Variants in SCHIP1 observed in about 807,000 individuals in gnomAD.
SCHIP1 encodes the protein schwannomin-interacting protein 1.
SCHIP1 carries 8 observed loss-of-function variants against 29.7 expected under a neutral mutation model. The observed-to-expected ratio is 0.27, with a 90% CI of 0.16 to 0.49. The LOEUF (loss-of-function observed/expected upper bound fraction) is 0.49. Ranked by LOEUF, SCHIP1 falls within the 20% of genes least tolerant of loss-of-function variation. The pLI is 0.99. For missense variants in SCHIP1, 193 were observed against 294.6 expected (o/e 0.66, Z 2.52); for synonymous variants, 76 against 94.9 (o/e 0.80, Z 1.16).
intron 1 of SCHIP1, chr3:159,853,317 C>T (rs1712896359): frequency 3.1e-6 from 2 of 651,772 alleles, no homozygotes; most frequent in African/African-American, 1.8e-5. Flanking sequence ...GGGCAATTGG[C>T]ACATCAGCCT....
At chr3:159,357,644 G>T in the SCHIP1 span, among the ~76,000 whole-genome samples, 1 of 152,136 alleles carries the variant, frequency 6.6e-6, no homozygotes, top group Non-Finnish European at 1.5e-5. Flanking sequence ...TGTTTTTAGA[G>T]TCACCATATT....
At chr3:159,721,649 A>G in the SCHIP1 span, 2 of 230,386 alleles carry the variant, frequency 8.7e-6, no homozygotes, top group Admixed American at 1.1e-4. Flanking sequence ...ACCTGCTTTC[A>G]AGGCTCTTCT....
the SCHIP1 span, among the ~76,000 whole-genome samples, chr3:159,367,516 T>C: frequency 2.0e-5 from 3 of 152,316 alleles, no homozygotes; most frequent in South Asian, 6.2e-4. Flanking sequence ...CCGTGACTCA[T>C]ATGTTGTAGC....
the SCHIP1 span, among the ~76,000 whole-genome samples, chr3:159,403,978 C>T: frequency 6.6e-6 from 1 of 152,154 alleles, no homozygotes. Flanking sequence ...TTCCTAAGGC[C>T]TTCATTCCAG....
the SCHIP1 span, among the ~76,000 whole-genome samples, chr3:159,755,941 T>C: frequency 6.6e-6 from 1 of 152,274 alleles, no homozygotes; most frequent in East Asian, 1.9e-4. Flanking sequence ...TGGGTTCCCA[T>C]GGTCCTGGGC....
At chr3:159,331,347 C>A in the SCHIP1 span, among the ~76,000 whole-genome samples, 1 of 152,178 alleles carries the variant, frequency 6.6e-6, no homozygotes, top group Non-Finnish European at 1.5e-5. Flanking sequence ...GTTAAATGGT[C>A]ACTCTTTCCT....
the SCHIP1 span, among the ~76,000 whole-genome samples, chr3:159,290,507 A>G: frequency 9.2e-5 from 14 of 152,204 alleles, no homozygotes; most frequent in Non-Finnish European, 1.8e-4. Context: ...AGGTAAATAT[A>G]TTCATAGAAG....
At chr3:159,626,990 C>G in the SCHIP1 span, among the ~76,000 whole-genome samples, 1 of 152,074 alleles carries the variant, frequency 6.6e-6, no homozygotes, top group Non-Finnish European at 1.5e-5. Context: ...GGTTTTAAAC[C>G]CCACGTGCAT....
At chr3:159,887,984 T>C in intron 4 of SCHIP1, 79 bp downstream of exon 5, 2 of 1,546,832 alleles carry the variant, frequency 1.3e-6, no homozygotes, top group African/African-American at 2.7e-5. Flanking sequence ...TTTCCCAGAA[T>C]TATGCAAACT....
At chr3:159,297,143 T>C in the SCHIP1 span, among the ~76,000 whole-genome samples, 1 of 144,234 alleles carries the variant, frequency 6.9e-6, no homozygotes, top group Non-Finnish European at 1.5e-5. Context: ...TGTGTGTGTG[T>C]GTGTGTGTGT....
the SCHIP1 span, among the ~76,000 whole-genome samples, chr3:159,377,436 T>A: frequency 6.6e-6 from 1 of 152,204 alleles, no homozygotes; most frequent in Non-Finnish European, 1.5e-5. Flanking sequence ...TTTGTTGTAA[T>A]CTACAGACCT....
the SCHIP1 span, among the ~76,000 whole-genome samples, chr3:159,525,547 T>A: frequency 6.6e-5 from 10 of 152,356 alleles, no homozygotes; most frequent in East Asian, 1.3e-3. Flanking sequence ...CAATTGGAAA[T>A]GCTAGTGTGT....
the SCHIP1 span, among the ~76,000 whole-genome samples, chr3:159,459,377 C>T: frequency 1.3e-5 from 2 of 152,094 alleles, no homozygotes; most frequent in East Asian, 1.9e-4. Context: ...CTTTTCCAGG[C>T]TTCTTGCTCA....
chr3:159,815,610 A>AT, the SCHIP1 span, among the ~76,000 whole-genome samples: 2 of 152,216 alleles, frequency 1.3e-5, no homozygotes, highest in Non-Finnish European at 2.9e-5. Context: ...TAAGTTTACC[A>AT]TATATACTCC....
chr3:159,564,078 G>A, the SCHIP1 span, among the ~76,000 whole-genome samples: 2 of 152,016 alleles, frequency 1.3e-5, no homozygotes, highest in African/African-American at 4.8e-5. Context: ...TAATCTCAAT[G>A]CTCAACTAAA....
At chr3:159,569,866 G>A in the SCHIP1 span, among the ~76,000 whole-genome samples, 4 of 152,280 alleles carry the variant, frequency 2.6e-5, no homozygotes, top group Admixed American at 2.6e-4. Context: ...CATTCTAACT[G>A]GCATGAGATG....
At chr3:159,894,867 A>T (rs1717904533) in intron 6 of SCHIP1, 1 of 152,136 alleles carries the variant, frequency 6.6e-6, no homozygotes, top group Non-Finnish European at 1.5e-5. Flanking sequence ...TATTTTATTT[A>T]TGTCTCAAAA....
chr3:159,610,382 C>T, the SCHIP1 span, among the ~76,000 whole-genome samples: 7 of 152,262 alleles, frequency 4.6e-5, no homozygotes, highest in Non-Finnish European at 1.0e-4. Flanking sequence ...GGCATGAATC[C>T]GAGATTTTGT....
chr3:159,387,872 T>G, the SCHIP1 span, among the ~76,000 whole-genome samples: 1 of 152,176 alleles, frequency 6.6e-6, no homozygotes, highest in African/African-American at 2.4e-5. Flanking sequence ...CTAAGTAATA[T>G]CAAGTGATAT....
Sources: gnomAD v4.1 joint callset for allele counts (sites outside exome capture counted in the v4.1 genomes callset) on GRCh38, gnomAD v4.1.1 for gene constraint, MANE v1.5 for transcripts, NCBI Gene and HGNC (gene_info 2026-07-23, HGNC 2026-07-21) for gene names.